The following MGAT4C variants were observed in gnomAD, a reference collection of about 807,000 sequenced individuals.
The protein encoded by MGAT4C is MGAT4 family member C, also known as alpha-1,3-mannosyl-glycoprotein 4-beta-N-acetylglucosaminyltransferase C.
MGAT4C carries 19 observed loss-of-function variants against 40.1 expected under a neutral mutation model. That is an observed-to-expected ratio of 0.47 (90% confidence interval 0.33 to 0.70). The LOEUF is 0.70. MGAT4C is among the 30% of genes least tolerant of loss of function. The pLI is 0.02. For missense variants in MGAT4C, 491 were observed against 563.2 expected, an observed-to-expected ratio of 0.87 and a Z score of 1.30; for synonymous variants, 181 against 187.1, an observed-to-expected ratio of 0.97 and a Z score of 0.27.
intron 1 of MGAT4C, among the ~76,000 whole-genome samples, chr12:86,181,037 A>G (rs1888061965): frequency 6.6e-6 from 1 of 152,144 alleles, no homozygotes; most frequent in Non-Finnish European, 1.5e-5. Flanking sequence ...AGGGGGAGGT[A>G]ATTGAATCAT....
chr12:86,368,729 A>C (rs1483558415), intron 3 of MGAT4C, among the ~76,000 whole-genome samples: 2 of 151,758 alleles, frequency 1.3e-5, no homozygotes, highest in South Asian at 2.1e-4. Flanking sequence ...GTTTCATTCC[A>C]CCGTGGTCAG....
chr12:85,959,387 T>C lies in MGAT4C; in HGVS notation c.*19902A>G. On this transcript the variant is annotated 3_prime_UTR_variant, in exon 5 of 5. Coordinates refer to ENST00000611864, the MANE Select transcript of MGAT4C (RefSeq NM_001351288.2). ...AATCTTTGCTTTACAGGGCTTCAAGTTATAGATTTTTCTTTTTTCCTTTTC... is the reference window on the plus strand; with the variant it reads ...AATCTTTGCTTTACAGGGCTTCAAGCTATAGATTTTTCTTTTTTCCTTTTC... 6.6e-6 allele frequency: 1 copy of C among 152,100 alleles called. No homozygotes were observed. The highest frequency in any genetic ancestry group is 3.4e-3 in the Middle Eastern group (1 of 296). The allele number at this position is 152,100 out of a possible 1,614,324, so 9.4% of individuals were successfully genotyped here. A position where few individuals can be genotyped will look rare whatever the true frequency, so the allele number is the denominator to read the frequency against.
At chr12:86,820,445 T>A (rs1952685996) in intron 1 of MGAT4C, among the ~76,000 whole-genome samples, 2 of 150,846 alleles carry the variant, frequency 1.3e-5, no homozygotes, top group African/African-American at 4.8e-5. Context: ...GATTGACTTA[T>A]GAGACTTAGT....
At chr12:86,353,860 T>C (rs1955238818) in intron 3 of MGAT4C, among the ~76,000 whole-genome samples, 1 of 152,238 alleles carries the variant, frequency 6.6e-6, no homozygotes, top group African/African-American at 2.4e-5. Context: ...ATTGTAGATG[T>C]GCACGAGCGT....
Position 86,812,215 on chromosome 12 carries a change from T to C in MGAT4C, c.-262+26451A>G, listed in dbSNP as rs147418749. On this transcript the variant is annotated intron_variant, in intron 1 of 7. Coordinates refer to the MGAT4C transcript ENST00000548651. ...ATTTATTGAGATTTATTTTATGAAT[T>C]AGCATACAGACTATTTCAATTAATG... is the stretch of plus-strand genomic sequence containing the variant. Among the ~76,000 whole-genome samples, 300 of 152,248 alleles carry C rather than the reference T, an allele frequency of 2.0e-3. 9 individuals carry two copies. In the East Asian group the frequency reaches 0.05, roughly 26 times the overall value.
At chr12:86,748,780 T>C (rs1951191277) in intron 1 of MGAT4C, among the ~76,000 whole-genome samples, 1 of 151,636 alleles carries the variant, frequency 6.6e-6, no homozygotes, top group Non-Finnish European at 1.5e-5. Flanking sequence ...TACAAAGCCA[T>C]ATCTTAAGAA....
chr12:86,812,609 T>C (rs1159184514), intron 1 of MGAT4C, among the ~76,000 whole-genome samples: 1 of 152,144 alleles, frequency 6.6e-6, no homozygotes, highest in Non-Finnish European at 1.5e-5. Flanking sequence ...GTATATATTA[T>C]ATATTAATAA....
intron 4 of MGAT4C, among the ~76,000 whole-genome samples, chr12:86,320,737 G>A (rs988366349): frequency 9.9e-5 from 15 of 151,972 alleles, no homozygotes; most frequent in African/African-American, 3.6e-4. Context: ...AACCCATATG[G>A]TTTTACAACT....
intron 1 of MGAT4C, among the ~76,000 whole-genome samples, chr12:86,123,430 A>C (rs1156803287): frequency 2.0e-5 from 3 of 152,180 alleles, no homozygotes; most frequent in African/African-American, 7.2e-5. Flanking sequence ...AGATATATTC[A>C]TAATCATCTG....
At chr12:86,644,147 CTG>C (rs1251032235) in intron 2 of MGAT4C, among the ~76,000 whole-genome samples, 2 of 151,562 alleles carry the variant, frequency 1.3e-5, no homozygotes, top group African/African-American at 2.4e-5. Context: ...TTAACATAGA[CTG>C]TGTGTGAATG....
chr12:86,444,858 G>C (rs1053754426), intron 2 of MGAT4C, among the ~76,000 whole-genome samples: 1 of 152,070 alleles, frequency 6.6e-6, no homozygotes, highest in African/African-American at 2.4e-5. Flanking sequence ...TCCCCAAGAG[G>C]AAAGATTTAT....
Position 85,958,962 on chromosome 12 carries a change from G to C in MGAT4C, c.*20327C>G, listed in dbSNP as rs1882965017. 6.6e-6 allele frequency: 1 copy of C among 151,832 alleles called. No individual in the cohort carries two copies. Among genetic ancestry groups the C allele is most frequent in the Non-Finnish European group, 1.5e-5 (1 of 67,928 alleles). The allele number at this position is 151,832 out of a possible 1,614,324, so 9.4% of individuals were successfully genotyped here. Reference sequence around the variant, plus strand: ...TTTTTGAAATAAAAAAAATACAAGTGCATAGGGCAGAGGAGGCGATTCAGT... The same window carrying C: ...TTTTTGAAATAAAAAAAATACAAGTCCATAGGGCAGAGGAGGCGATTCAGT... On this transcript the variant is annotated 3_prime_UTR_variant, in exon 5 of 5. Coordinates refer to ENST00000611864, the MANE Select transcript of MGAT4C (RefSeq NM_001351288.2).
intron 2 of MGAT4C, among the ~76,000 whole-genome samples, chr12:86,039,055 T>C (rs11513955): frequency 0.22 from 32,294 of 149,616 alleles, 6,060 homozygotes; most frequent in Non-Finnish European, 0.31. Context: ...TGTTGAATAT[T>C]GGCCCCACTC....
chr12:86,207,816 G>A (rs1212632203), intron 1 of MGAT4C, among the ~76,000 whole-genome samples: 1 of 152,058 alleles, frequency 6.6e-6, no homozygotes, highest in African/African-American at 2.4e-5. Flanking sequence ...AAGAATTAAT[G>A]AACATTTGCA....
chr12:86,608,619 T>C (rs1962130722), intron 2 of MGAT4C, among the ~76,000 whole-genome samples: 1 of 152,046 alleles, frequency 6.6e-6, no homozygotes, highest in South Asian at 2.1e-4. Context: ...TACATACATA[T>C]TGCTCAAAAC....
At chr12:85,984,321 C>A (rs902687944) in intron 3 of MGAT4C, among the ~76,000 whole-genome samples, 3 of 151,820 alleles carry the variant, frequency 2.0e-5, no homozygotes, top group Non-Finnish European at 4.4e-5. Flanking sequence ...ACATTAGCAC[C>A]AAATTAAGGT....
At chr12:86,059,716 G>A (rs1893751906) in intron 1 of MGAT4C, among the ~76,000 whole-genome samples, 1 of 152,178 alleles carries the variant, frequency 6.6e-6, no homozygotes, top group African/African-American at 2.4e-5. Context: ...AAACTTCAAT[G>A]TAGCTGATTA....
At chr12:86,210,388 T>C (rs1183316085) in intron 1 of MGAT4C, among the ~76,000 whole-genome samples, 6 of 152,200 alleles carry the variant, frequency 3.9e-5, no homozygotes, top group Admixed American at 2.6e-4. Context: ...TATTTCACTA[T>C]AAAAAAACTG....
chr12:86,369,278 T>C (rs57863926), intron 3 of MGAT4C, among the ~76,000 whole-genome samples: 4,081 of 152,052 alleles, frequency 0.027, 153 homozygotes, highest in African/African-American at 0.086. Context: ...ATAGACAGCA[T>C]ATAGTGGGAT....
Sources: allele counts gnomAD v4.1 joint callset (sites outside exome capture counted in the v4.1 genomes callset), GRCh38; gene constraint gnomAD v4.1.1; transcripts MANE v1.5; gene names NCBI Gene and HGNC (gene_info 2026-07-23, HGNC 2026-07-21).